Variants in SHANK2 observed in about 807,000 individuals in gnomAD.
SHANK2 encodes SH3 and multiple ankyrin repeat domains 2, also known as SH3 and multiple ankyrin repeat domains protein 2.
Under a neutral mutation model 133.7 loss-of-function variants are expected in SHANK2, and 43 were observed. The ratio of observed to expected loss-of-function variants is 0.32; its 90% CI spans 0.25 to 0.41. SHANK2 has a LOEUF of 0.41. SHANK2 is among the 10% of genes least tolerant of loss of function. The pLI is 1.00. For missense variants in SHANK2, 1,994 were observed against 2,235.8 expected, an observed-to-expected ratio of 0.89 and a Z score of 2.18; for synonymous variants, 1,017 against 952.8, an observed-to-expected ratio of 1.07 and a Z score of -1.24.
At chr11:71,063,776 A>G (rs1425646994) in intron 9 of SHANK2, among the ~76,000 whole-genome samples, 4 of 152,208 alleles carry the variant, frequency 2.6e-5, no homozygotes, top group Admixed American at 6.5e-5. Context: ...TGAAGACCCG[A>G]GCATCAAGAA....
intron 17 of SHANK2, among the ~76,000 whole-genome samples, chr11:70,568,672 C>A (rs2060003446): frequency 6.8e-6 from 1 of 146,148 alleles, no homozygotes; most frequent in Non-Finnish European, 1.5e-5. Context: ...TCCTCCCGGC[C>A]GGGAGCTGTT....
At chr11:71,105,994 C>T (rs987773421) in intron 6 of SHANK2, among the ~76,000 whole-genome samples, 5 of 152,184 alleles carry the variant, frequency 3.3e-5, no homozygotes, top group Non-Finnish European at 1.5e-5. Flanking sequence ...TTCATGTAAG[C>T]TTGGACTTGA....
intron 2 of SHANK2, among the ~76,000 whole-genome samples, chr11:71,172,613 GA>G (rs1331473781): frequency 1.6e-5 from 2 of 125,596 alleles, no homozygotes; most frequent in South Asian, 2.5e-4. Flanking sequence ...AAAAAAAAAA[GA>G]AAAAAAGAAA....
rs1475619504 is a variant in SHANK2 at position 70,502,735 on chromosome 11, GCCCCCACCCCCC to G, written c.2197+49_2197+60del. On this transcript the variant is annotated intron_variant, in intron 18 of 25. Transcript: ENST00000601538. ...CCACTGCCCCCCAGCTGTCCTGCCC[GCCCCCACCCCCC>G]CCCCCCAGTAGGGCCCCAGGCTGGA... 21 of 419,834 alleles carry G rather than the reference GCCCCCACCCCCC, an allele frequency of 5.0e-5. No individual in the cohort carries two copies. In the Admixed American group the frequency reaches 8.0e-4, roughly 16 times the overall value. The allele number at this position is 419,834 out of a possible 1,614,324, so 26.0% of individuals were successfully genotyped here.
chr11:70,729,691 A>C (rs775351618), intron 14 of SHANK2, among the ~76,000 whole-genome samples: 11 of 149,624 alleles, frequency 7.4e-5, no homozygotes, highest in Middle Eastern at 6.8e-3. Context: ...CACCCGGCTA[A>C]TTTTTTTTTG....
At chr11:70,698,795 G>C in intron 14 of SHANK2, 32 bp from the exon 15 acceptor site, 1 of 718,506 alleles carries the variant, frequency 1.4e-6, no homozygotes, top group South Asian at 1.5e-5. Context: ...ACACCATTCA[G>C]AAAAGTCATG....
At chr11:70,663,166 C>T (rs534816422) in intron 15 of SHANK2, among the ~76,000 whole-genome samples, 37 of 152,152 alleles carry the variant, frequency 2.4e-4, no homozygotes, top group Non-Finnish European at 2.6e-4. Context: ...GGGGCAGTCC[C>T]AGGGATGCAA....
intron 10 of SHANK2, among the ~76,000 whole-genome samples, chr11:70,942,203 G>A (rs1950658188): frequency 1.3e-5 from 2 of 152,064 alleles, no homozygotes; most frequent in South Asian, 4.2e-4. Flanking sequence ...AAAGGAAAAG[G>A]AAAGAAAAGA....
rs782635866 is a variant in SHANK2, at chr11:70,502,296, AGAG to A, written c.2198-13_2198-11del. ...TTTGGAGGCGGGGGAGCTGGAGGGC[AGAG>A]GAGAGATGGGTGTGAGACCCCAGCC... On this transcript the variant is annotated splice_polypyrimidine_tract_variant and intron_variant, in intron 18 of 25. Transcript: ENST00000601538. 3.2e-6 allele frequency: 5 copies of A among 1,551,722 alleles called. No individual in the cohort carries two copies. The highest frequency in any genetic ancestry group is 4.4e-6 in the Non-Finnish European group (5 of 1,147,402).
chr11:70,482,653 A>G (rs1227957053), intron 25 of SHANK2, among the ~76,000 whole-genome samples: 1 of 152,178 alleles, frequency 6.6e-6, no homozygotes, highest in African/African-American at 2.4e-5. Flanking sequence ...GCGTTTGGTG[A>G]ATGCTTTGTG....
intron 10 of SHANK2, among the ~76,000 whole-genome samples, chr11:70,921,522 T>G (rs1371559893): frequency 6.6e-6 from 1 of 152,214 alleles, no homozygotes; most frequent in Non-Finnish European, 1.5e-5. Context: ...AATGAGGCAT[T>G]CGGCTGCTTT....
At chr11:70,946,285 C>A (rs538106694) in intron 10 of SHANK2, among the ~76,000 whole-genome samples, 103 of 146,418 alleles carry the variant, frequency 7.0e-4, no homozygotes, top group African/African-American at 2.6e-3. Context: ...CTCCACTAAA[C>A]AACGCTTCCC....
At chr11:70,644,904 G>A (rs1253688179) in intron 17 of SHANK2, among the ~76,000 whole-genome samples, 1 of 152,196 alleles carries the variant, frequency 6.6e-6, no homozygotes, top group Non-Finnish European at 1.5e-5. Flanking sequence ...CAGGGACTAT[G>A]AACAAGCAGG....
At chr11:70,753,185 AAC>A (rs1555037822) in intron 14 of SHANK2, among the ~76,000 whole-genome samples, 1 of 151,726 alleles carries the variant, frequency 6.6e-6, no homozygotes, top group Non-Finnish European at 1.5e-5. Flanking sequence ...AAAAAAAAAA[AAC>A]AAAAAACAAA....
At chr11:70,720,130 G>A (rs1377334293) in intron 14 of SHANK2, among the ~76,000 whole-genome samples, 1 of 152,210 alleles carries the variant, frequency 6.6e-6, no homozygotes, top group Non-Finnish European at 1.5e-5. Flanking sequence ...CATGAGGGCA[G>A]GGTCCACGTT....
At chr11:70,743,266 A>ATT (rs1555035177) in intron 14 of SHANK2, among the ~76,000 whole-genome samples, 1 of 152,130 alleles carries the variant, frequency 6.6e-6, no homozygotes, top group East Asian at 1.9e-4. Flanking sequence ...CAGTTCATAT[A>ATT]TTGGGGCCGA....
chr11:70,654,921 C>T (rs1205331795), intron 17 of SHANK2, among the ~76,000 whole-genome samples: 3 of 152,064 alleles, frequency 2.0e-5, no homozygotes, highest in Admixed American at 2.0e-4. Flanking sequence ...ACACGCACCA[C>T]CACGCCCAGC....
intron 3 of SHANK2, among the ~76,000 whole-genome samples, chr11:71,133,470 A>AGG (rs2135344002): frequency 6.7e-6 from 1 of 149,422 alleles, no homozygotes; most frequent in African/African-American, 2.5e-5. Context: ...GGAGGGAGGG[A>AGG]GAGAGAGACA....
At chr11:70,557,776 G>C (rs562416573) in intron 17 of SHANK2, among the ~76,000 whole-genome samples, 1 of 152,166 alleles carries the variant, frequency 6.6e-6, no homozygotes, top group African/African-American at 2.4e-5. Flanking sequence ...AGGAGGCTGG[G>C]CCTGCACGTT....
Sources: allele counts gnomAD v4.1 joint callset (sites outside exome capture counted in the v4.1 genomes callset), GRCh38; gene constraint gnomAD v4.1.1; transcripts MANE v1.5; gene names NCBI Gene and HGNC (gene_info 2026-07-23, HGNC 2026-07-21).